RBPJ: variants seen among roughly 807,000 people sequenced by gnomAD.
RBPJ encodes recombination signal binding protein for immunoglobulin kappa J region, also known as recombining binding protein suppressor of hairless.
RBPJ carries 9 observed loss-of-function variants against 67.8 expected under a neutral mutation model. The observed-to-expected ratio is 0.13, with a 90% confidence interval of 0.08 to 0.23. The LOEUF (loss-of-function observed/expected upper bound fraction) is 0.23, where lower values mean the gene tolerates loss of function less well. Ranked by LOEUF, RBPJ falls within the 10% of genes least tolerant of loss-of-function variation. RBPJ has a pLI of 1.00. For missense variants in RBPJ, 305 were observed against 595.6 expected (o/e 0.51, Z 5.08); for synonymous variants, 198 against 203.3 (o/e 0.97, Z 0.22).
chr4:26,244,317 A>C (rs62639476), intron 1 of RBPJ, among the ~76,000 whole-genome samples: 1 of 81,474 alleles, frequency 1.2e-5, no homozygotes, highest in East Asian at 4.8e-4. Context: ...ATATGTGTGT[A>C]TATGTATACA....
At chr4:26,394,942 G>A (rs1036388501) in intron 2 of RBPJ, among the ~76,000 whole-genome samples, 10 of 152,108 alleles carry the variant, frequency 6.6e-5, no homozygotes, top group South Asian at 2.1e-4. Context: ...TAACTATTTT[G>A]TAGTGTTCTC....
chr4:26,318,127 ACG>A (rs202151610), upstream of RBPJ, among the ~76,000 whole-genome samples: 304 of 150,770 alleles, frequency 2.0e-3, 4 homozygotes, highest in East Asian at 0.054. Flanking sequence ...ACACACACAC[ACG>A]CACACACACA....
In RBPJ at chr4:26,328,029, T is replaced by C. The variant is rs1030308327; in HGVS notation, c.20+6981T>C. On this transcript the variant is annotated intron_variant, in intron 1 of 10. Transcript: ENST00000355476. ...CTAGCTTTAGACTGGTTTGCATAAA[T>C]AGAACAAAGGTATATGTTCCCTTTT... Among the ~76,000 whole-genome samples the C allele has an allele frequency of 8.5e-5, 13 of 152,142 alleles. No individual in the cohort carries two copies. The East Asian group carries it at 2.5e-3, about 29-fold the overall frequency.
At chr4:26,188,819 A>G (rs1434580450) in intron 1 of RBPJ, among the ~76,000 whole-genome samples, 1 of 152,252 alleles carries the variant, frequency 6.6e-6, no homozygotes, top group Non-Finnish European at 1.5e-5. Context: ...TTATGCATGC[A>G]TCATATAAGA....
intron 5 of RBPJ, 25 bp downstream of exon 5, chr4:26,420,750 C>T: frequency 2.6e-6 from 4 of 1,542,678 alleles, no homozygotes; most frequent in East Asian, 4.7e-5. Context: ...CTTATTTATC[C>T]CCAACTGCCA....
the RBPJ span, among the ~76,000 whole-genome samples, chr4:26,126,751 T>C: frequency 6.6e-6 from 1 of 152,220 alleles, no homozygotes; most frequent in African/African-American, 2.4e-5. Context: ...AATGCAAAAA[T>C]GATCATCTAC....
intron 1 of RBPJ, among the ~76,000 whole-genome samples, chr4:26,352,337 C>A (rs772839761): frequency 6.6e-6 from 1 of 152,188 alleles, no homozygotes; most frequent in Non-Finnish European, 1.5e-5. Flanking sequence ...GGATCTCTCT[C>A]AAGCCTCTTT....
chr4:26,341,626 A>C (rs1458077935), intron 1 of RBPJ, among the ~76,000 whole-genome samples: 2 of 151,452 alleles, frequency 1.3e-5, no homozygotes, highest in African/African-American at 4.9e-5. Context: ...AACAAAACAA[A>C]ACAAAACAAA....
upstream of RBPJ, among the ~76,000 whole-genome samples, chr4:26,161,085 T>G (rs1278992718): frequency 1.3e-5 from 2 of 152,194 alleles, no homozygotes; most frequent in Admixed American, 6.5e-5. Context: ...TTGCTCTGAT[T>G]AATAGAATGG....
rs540662744 is a variant in RBPJ at position 26,366,277 on chromosome 4, T to TTTTTG, written c.21-20052_21-20048dup. ...CAAATATTACCAGATCAGTAGTTTT[T>TTTTTG]TTTTGTTTTGTTTTGTTTTGTTTTG... On this transcript the variant is annotated intron_variant, in intron 1 of 10. Transcript: ENST00000355476. Among the ~76,000 whole-genome samples the TTTTTG allele has an allele frequency of 8.6e-3, 1,313 of 152,134 alleles. 30 individuals carry two copies. The highest frequency in any genetic ancestry group is 0.03 in the African/African-American group (1,252 of 41,458).
At chr4:26,420,259 A>T (rs1734993561) in intron 4 of RBPJ, among the ~76,000 whole-genome samples, 1 of 152,090 alleles carries the variant, frequency 6.6e-6, no homozygotes, top group South Asian at 2.1e-4. Context: ...TAATTCCATG[A>T]TACAGTTGTA....
chr4:26,255,692 C>T (rs536822275), intron 1 of RBPJ, among the ~76,000 whole-genome samples: 1 of 151,050 alleles, frequency 6.6e-6, no homozygotes, highest in East Asian at 2.0e-4. Context: ...GTCCCAGCTA[C>T]GCGGGAGGCT....
chr4:26,319,842 C>G (rs1403666167), upstream of RBPJ: 6 of 1,592,038 alleles, frequency 3.8e-6, no homozygotes, highest in Non-Finnish European at 5.2e-6. Flanking sequence ...ATCTGGGAAT[C>G]TCTAGGAAAG....
At chr4:26,314,510 A>G (rs542354939) in intron 1 of RBPJ, among the ~76,000 whole-genome samples, 1 of 152,244 alleles carries the variant, frequency 6.6e-6, no homozygotes, top group South Asian at 2.1e-4. Context: ...TGACTGGATC[A>G]TGGGGGTGGA....
the RBPJ span, among the ~76,000 whole-genome samples, chr4:26,148,992 T>C: frequency 2.0e-5 from 3 of 152,168 alleles, no homozygotes; most frequent in African/African-American, 7.2e-5. Context: ...TCCATATATT[T>C]CTCTACTGGG....
intron 1 of RBPJ, among the ~76,000 whole-genome samples, chr4:26,383,151 T>C (rs1291891222): frequency 2.0e-5 from 3 of 152,214 alleles, no homozygotes; most frequent in African/African-American, 4.8e-5. Context: ...TTGAGCTCTT[T>C]TGCACATATT....
intron 1 of RBPJ, among the ~76,000 whole-genome samples, chr4:26,242,653 A>G (rs1489245754): frequency 6.6e-6 from 1 of 150,752 alleles, no homozygotes; most frequent in Non-Finnish European, 1.5e-5. Flanking sequence ...GCACAAAGTA[A>G]TAGAATGCAT....
chr4:26,316,907 C>T (rs746896689), upstream of RBPJ, among the ~76,000 whole-genome samples: 2 of 132,162 alleles, frequency 1.5e-5, no homozygotes, highest in Non-Finnish European at 3.1e-5. Context: ...CCTCCCTAGG[C>T]AGGCTAGTAC....
chr4:26,349,855 G>T (rs1046428752), intron 1 of RBPJ, among the ~76,000 whole-genome samples: 1 of 152,178 alleles, frequency 6.6e-6, no homozygotes, highest in Non-Finnish European at 1.5e-5. Context: ...AATTTCTTCT[G>T]TTGCTAATGT....
Sources: gnomAD v4.1 joint callset for allele counts (sites outside exome capture counted in the v4.1 genomes callset) on GRCh38, gnomAD v4.1.1 for gene constraint, MANE v1.5 for transcripts, NCBI Gene and HGNC (gene_info 2026-07-23, HGNC 2026-07-21) for gene names.